Variants in SIK3 observed in about 807,000 individuals in gnomAD.
SIK3 encodes the protein serine/threonine-protein kinase SIK3.
SIK3 carries 28 observed loss-of-function variants against 144.2 expected under a neutral mutation model. That is an observed-to-expected ratio of 0.19 (90% CI 0.14 to 0.27). The LOEUF is 0.27. Among genes scored for constraint, SIK3 ranks in the 10% least tolerant of loss-of-function variants. The probability of loss-of-function intolerance (pLI) is 1.00; values close to 1 mark genes in which losing one functional copy is unlikely to be tolerated. For missense variants in SIK3, 1,319 were observed against 1,776.0 expected, an observed-to-expected ratio of 0.74 and a Z score of 4.62; for synonymous variants, 686 against 676.3, an observed-to-expected ratio of 1.01 and a Z score of -0.22.
chr11:117,025,306 G>A (rs1393440597), intron 1 of SIK3, among the ~76,000 whole-genome samples: 3 of 152,098 alleles, frequency 2.0e-5, no homozygotes, highest in Admixed American at 6.5e-5. Context: ...ATGAGAGACA[G>A]CATGGTATGA....
rs749464119 is a variant in SIK3 at position 116,846,435 on chromosome 11, G to A, written c.4071C>T (p.His1357=). The A allele has an allele frequency of 1.2e-5, 20 of 1,614,186 alleles. No individual in the cohort carries two copies. The East Asian group carries it at 4.5e-4, about 36-fold the overall frequency. Reference sequence around the variant, plus strand: ...GCTCCATGCTGAAGGAGACTTCGGGGTGCTTGTAGCTGAGCAGAATGTCTG... The same window carrying A: ...GCTCCATGCTGAAGGAGACTTCGGGATGCTTGTAGCTGAGCAGAATGTCTG... The part of the protein sequence containing the change: ...CITDILLSYK[H]PEVSFSMEQA... Residue 1357 remains histidine, a synonymous_variant, in exon 24 of 25, where the codon CAC becomes CAT. Coordinates refer to ENST00000445177, the MANE Select transcript of SIK3 (RefSeq NM_001366686.3). This position sits in a 1 kb window ranked among gnomAD's most constrained non-coding sequence, Gnocchi z 4.1.
chr11:116,983,087 C>A (rs889972594), intron 1 of SIK3, among the ~76,000 whole-genome samples: 1 of 151,692 alleles, frequency 6.6e-6, no homozygotes, highest in Non-Finnish European at 1.5e-5. Context: ...ATTAGCCGGG[C>A]GTGGTGGCAG....
chr11:117,065,577 G>A (rs913540069), intron 1 of SIK3, among the ~76,000 whole-genome samples: 1 of 145,384 alleles, frequency 6.9e-6, no homozygotes, highest in African/African-American at 2.7e-5. Context: ...CAAAATAAAT[G>A]CTTTTTAAAC....
chr11:116,909,614 G>A (rs558806734), intron 4 of SIK3, among the ~76,000 whole-genome samples: 20 of 152,136 alleles, frequency 1.3e-4, no homozygotes, highest in Admixed American at 7.9e-4. Flanking sequence ...GCTATTTCTC[G>A]CCACTTGGAA....
intron 1 of SIK3, among the ~76,000 whole-genome samples, chr11:117,016,443 G>T (rs568137893): frequency 6.7e-6 from 1 of 148,458 alleles, no homozygotes; most frequent in African/African-American, 2.5e-5. Flanking sequence ...AAGGAAGGAA[G>T]GAATCCCATG....
chr11:116,912,112 A>T (rs1946381069), intron 4 of SIK3, among the ~76,000 whole-genome samples: 1 of 152,210 alleles, frequency 6.6e-6, no homozygotes, highest in Non-Finnish European at 1.5e-5. Flanking sequence ...CTAGTTGGTT[A>T]GCATTTGTCC....
Position 117,040,572 on chromosome 11 carries a change from C to A in SIK3, c.273+57571G>T, listed in dbSNP as rs557392009. On this transcript the variant is annotated intron_variant, in intron 1 of 24. Transcript: ENST00000445177. ...GTGCCAAGGAAGAGATTACTTCTAGCTAAAGATATCAGGGAAGGTCTCATG... is the reference window on the plus strand; with the variant it reads ...GTGCCAAGGAAGAGATTACTTCTAGATAAAGATATCAGGGAAGGTCTCATG... 5.3e-5 allele frequency among the ~76,000 whole-genome samples: 8 copies of A among 152,208 alleles called. 1 individual carries two copies. In the South Asian group the frequency reaches 1.4e-3, roughly 28 times the overall value.
At chr11:116,912,108 G>T (rs557614223) in intron 4 of SIK3, among the ~76,000 whole-genome samples, 4 of 152,242 alleles carry the variant, frequency 2.6e-5, no homozygotes. Context: ...CACCCTAGTT[G>T]GTTAGCATTT....
intron 4 of SIK3, among the ~76,000 whole-genome samples, chr11:116,908,263 C>G (rs1946156815): frequency 6.6e-6 from 1 of 152,116 alleles, no homozygotes; most frequent in African/African-American, 2.4e-5. Flanking sequence ...ATTGCTTGAG[C>G]TCAGTAGTTT....
In SIK3 at chr11:116,856,608, GGT is replaced by G. The variant is rs530378976; in HGVS notation, c.3655+1200_3655+1201del. Reference sequence around the variant, plus strand: ...GTCTACTAAGAATACAGCAGCCACAGGTGAACACAGTACATCTCACTGGAGCC... The same window carrying G: ...GTCTACTAAGAATACAGCAGCCACAGGAACACAGTACATCTCACTGGAGCC... On this transcript the variant is annotated intron_variant, in intron 21 of 24. Transcript: ENST00000445177. Among the ~76,000 whole-genome samples the G allele has an allele frequency of 1.8e-3, 277 of 152,310 alleles. 2 individuals carry two copies. The highest frequency in any genetic ancestry group is 6.2e-3 in the African/African-American group (259 of 41,568).
chr11:116,853,361 C>G (rs1352577978), intron 21 of SIK3, among the ~76,000 whole-genome samples: 1 of 152,170 alleles, frequency 6.6e-6, no homozygotes, highest in Non-Finnish European at 1.5e-5. Context: ...GCCAATTCAG[C>G]AGCTACCAAA....
chr11:116,860,285 C>G (rs528633058), intron 19 of SIK3, among the ~76,000 whole-genome samples: 1 of 152,054 alleles, frequency 6.6e-6, no homozygotes, highest in Non-Finnish European at 1.5e-5. Flanking sequence ...GGAATACGAC[C>G]TGAGATCTTA....
chr11:116,861,164 A>G, intron 19 of SIK3, 110 bp downstream of exon 19: 1 of 870,702 alleles, frequency 1.1e-6, no homozygotes, highest in Non-Finnish European at 1.8e-6. Flanking sequence ...CATACCCCTG[A>G]ATACTATGTT....
intron 1 of SIK3, among the ~76,000 whole-genome samples, chr11:117,058,978 T>C (rs1438095429): frequency 1.3e-5 from 2 of 152,158 alleles, no homozygotes; most frequent in East Asian, 1.9e-4. Flanking sequence ...GGCATCCATA[T>C]GGGATAAAGT....
chr11:117,050,623 G>A (rs576118890), intron 1 of SIK3, among the ~76,000 whole-genome samples: 1 of 151,602 alleles, frequency 6.6e-6, no homozygotes, highest in African/African-American at 2.4e-5. Flanking sequence ...GGAGGCAGAG[G>A]TTGCAGTGAG....
At chr11:117,075,493 C>T (rs1042670565) in intron 1 of SIK3, among the ~76,000 whole-genome samples, 1 of 151,850 alleles carries the variant, frequency 6.6e-6, no homozygotes, top group East Asian at 1.9e-4. Context: ...ACTTGCTATA[C>T]GTATCTATGT....
At chr11:117,022,110 C>T (rs1404734675) in intron 1 of SIK3, among the ~76,000 whole-genome samples, 2 of 151,940 alleles carry the variant, frequency 1.3e-5, no homozygotes, top group African/African-American at 4.8e-5. Context: ...TTTTATTCTA[C>T]CCATTGCTAC....
chr11:117,030,706 C>T (rs1434899950), intron 1 of SIK3, among the ~76,000 whole-genome samples: 2 of 152,038 alleles, frequency 1.3e-5, no homozygotes, highest in African/African-American at 2.4e-5. Flanking sequence ...GTCTCATTCC[C>T]GTTGCCCAGG....
intron 1 of SIK3, among the ~76,000 whole-genome samples, chr11:116,995,241 T>G (rs1950623753): frequency 7.4e-6 from 1 of 135,800 alleles, no homozygotes; most frequent in South Asian, 2.7e-4. Flanking sequence ...CACTCCAGCC[T>G]AGGCGACAGA....
Sources: gnomAD v4.1 joint callset for allele counts (sites outside exome capture counted in the v4.1 genomes callset) on GRCh38, gnomAD v4.1.1 for gene constraint, Gnocchi (gnomAD v3.1) non-coding constraint, MANE v1.5 for transcripts, NCBI Gene and HGNC (gene_info 2026-07-23, HGNC 2026-07-21) for gene names.